The following IFNG-AS1 variants were observed in gnomAD, a reference collection of about 807,000 sequenced individuals.
The protein encoded by IFNG-AS1 is IFNG antisense RNA 1 (non-protein coding).
intron 1 of IFNG-AS1, among the ~76,000 whole-genome samples, chr12:67,990,189 GT>G (rs1879471111): frequency 6.6e-6 from 1 of 152,050 alleles, no homozygotes. Flanking sequence ...CTTTTGTTTT[GT>G]TCTGTATTTT....
intron 3 of IFNG-AS1, chr12:68,013,757 C>T (rs1460911104): frequency 3.9e-5 from 6 of 152,226 alleles, no homozygotes; most frequent in Non-Finnish European, 8.8e-5. Flanking sequence ...CAAAGGTTGA[C>T]TGTCCCCAAG....
chr12:67,998,591 G>T (rs1301313359), intron 2 of IFNG-AS1, among the ~76,000 whole-genome samples: 1 of 151,918 alleles, frequency 6.6e-6, no homozygotes, highest in Non-Finnish European at 1.5e-5. Context: ...TCTTTCTACA[G>T]TTCTGACTTT....
At chr12:67,992,066 C>T (rs1366284038) in intron 1 of IFNG-AS1, among the ~76,000 whole-genome samples, 1 of 152,042 alleles carries the variant, frequency 6.6e-6, no homozygotes, top group Non-Finnish European at 1.5e-5. Context: ...TTCTCTTTCT[C>T]TCTGTCTCTG....
At chr12:68,009,903 T>C (rs774295576) in intron 3 of IFNG-AS1, among the ~76,000 whole-genome samples, 6 of 152,188 alleles carry the variant, frequency 3.9e-5, no homozygotes, top group Non-Finnish European at 5.9e-5. Context: ...ACTGAAAGAA[T>C]AATTGATGAG....
chr12:67,991,466 C>G (rs776838513), intron 1 of IFNG-AS1, among the ~76,000 whole-genome samples: 9 of 152,108 alleles, frequency 5.9e-5, no homozygotes, highest in Non-Finnish European at 1.2e-4. Flanking sequence ...AGGGGATGCT[C>G]GACTGTGGCT....
At chr12:68,015,276 G>C (rs1480169247) in intron 3 of IFNG-AS1, among the ~76,000 whole-genome samples, 1 of 151,994 alleles carries the variant, frequency 6.6e-6, no homozygotes, top group Non-Finnish European at 1.5e-5. Flanking sequence ...CAGAAGGAGG[G>C]ATGTGGGGTC....
At chr12:67,989,721 G>A (rs1352894593) in intron 1 of IFNG-AS1, 1 of 151,570 alleles carries the variant, frequency 6.6e-6, no homozygotes, top group Non-Finnish European at 1.5e-5. Flanking sequence ...TCTCTGCTGT[G>A]AGGGAGGAAG....
At chr12:68,005,703 G>A (rs79493273) in intron 2 of IFNG-AS1, among the ~76,000 whole-genome samples, 4,383 of 152,258 alleles carry the variant, frequency 0.029, 209 homozygotes, top group African/African-American at 0.1. Context: ...ATGGGAAAGA[G>A]TGGGAAGAAG....
intron 2 of IFNG-AS1, among the ~76,000 whole-genome samples, chr12:68,001,816 A>C (rs956624911): frequency 1.3e-5 from 2 of 152,142 alleles, no homozygotes; most frequent in Non-Finnish European, 2.9e-5. Context: ...CAGAACACAG[A>C]CCTAAAAACA....
At chr12:68,008,645 G>A (rs1034341110) in intron 3 of IFNG-AS1, among the ~76,000 whole-genome samples, 1 of 152,164 alleles carries the variant, frequency 6.6e-6, no homozygotes, top group African/African-American at 2.4e-5. Flanking sequence ...TCCACATGCA[G>A]TCATTCAGTG....
At chr12:68,020,206 A>G (rs1252254841) in intron 4 of IFNG-AS1, 2 of 152,216 alleles carry the variant, frequency 1.3e-5, no homozygotes. Context: ...GAATCATGAC[A>G]TATGAAGCAT....
intron 3 of IFNG-AS1, among the ~76,000 whole-genome samples, chr12:68,015,279 G>C (rs530446591): frequency 6.6e-6 from 1 of 152,230 alleles, no homozygotes; most frequent in East Asian, 1.9e-4. Context: ...AAGGAGGGAT[G>C]TGGGGTCACA....
chr12:67,992,417 C>T (rs1298859905), intron 1 of IFNG-AS1, among the ~76,000 whole-genome samples: 2 of 152,168 alleles, frequency 1.3e-5, no homozygotes, highest in Non-Finnish European at 2.9e-5. Context: ...AGCCCTCTCA[C>T]GTGTTTCCTC....
intron 3 of IFNG-AS1, among the ~76,000 whole-genome samples, chr12:68,011,857 G>C (rs1215588183): frequency 1.3e-5 from 2 of 152,156 alleles, no homozygotes; most frequent in Admixed American, 1.3e-4. Context: ...ACTTCTAATA[G>C]GGAAAGATTA....
chr12:68,019,165 C>A (rs1191847083), intron 3 of IFNG-AS1, among the ~76,000 whole-genome samples: 1 of 152,026 alleles, frequency 6.6e-6, no homozygotes, highest in African/African-American at 2.4e-5. Context: ...AAATAGAAAC[C>A]TTTACAGCCA....
intron 3 of IFNG-AS1, among the ~76,000 whole-genome samples, chr12:68,011,476 C>A (rs149258585): frequency 0.02 from 3,098 of 152,210 alleles, 39 homozygotes; most frequent in Non-Finnish European, 0.031. Context: ...ATGCAAAAAG[C>A]GTTACATTTT....
chr12:67,997,705 A>G (rs927120660), intron 2 of IFNG-AS1, among the ~76,000 whole-genome samples: 5 of 151,828 alleles, frequency 3.3e-5, no homozygotes, highest in African/African-American at 1.2e-4. Flanking sequence ...AAACAAAGTC[A>G]AACAACAAAC....
chr12:68,011,995 G>A (rs1043803496), intron 3 of IFNG-AS1, among the ~76,000 whole-genome samples: 1 of 152,114 alleles, frequency 6.6e-6, no homozygotes, highest in Non-Finnish European at 1.5e-5. Context: ...AGTTGGGGAA[G>A]GTTTGATGTT....
At chr12:68,020,865 C>T (rs1386124207) in intron 4 of IFNG-AS1, 1 of 152,140 alleles carries the variant, frequency 6.6e-6, no homozygotes, top group African/African-American at 2.4e-5. Flanking sequence ...CACACATCCT[C>T]TAAAAGGTAG....
Sources: allele counts gnomAD v4.1 joint callset (sites outside exome capture counted in the v4.1 genomes callset), GRCh38; gene constraint gnomAD v4.1.1; transcripts MANE v1.5; gene names NCBI Gene and HGNC (gene_info 2026-07-23, HGNC 2026-07-21).